NLGN1: variants seen among roughly 807,000 people sequenced by gnomAD.
NLGN1 encodes neuroligin-1.
NLGN1 carries 12 observed loss-of-function variants against 65.5 expected under a neutral mutation model. The ratio of observed to expected loss-of-function variants is 0.18; its 90% CI spans 0.12 to 0.30. The LOEUF is 0.30. Among genes scored for constraint, NLGN1 ranks in the 10% least tolerant of loss-of-function variants. The pLI, the probability that NLGN1 is intolerant of heterozygous loss-of-function variation, is 1.00. For synonymous variants in NLGN1, 350 were observed against 359.5 expected (o/e 0.97, Z 0.30); for missense variants, 750 against 1,007.1 (o/e 0.74, Z 3.46).
intron 3 of NLGN1, among the ~76,000 whole-genome samples, chr3:173,719,765 C>T (rs1298806255): frequency 6.6e-6 from 1 of 152,148 alleles, no homozygotes; most frequent in Non-Finnish European, 1.5e-5. Flanking sequence ...TTTCTTTCTA[C>T]AGTCTAGGAT....
At chr3:173,448,237 T>G (rs1224360026) in intron 2 of NLGN1, among the ~76,000 whole-genome samples, 1 of 152,190 alleles carries the variant, frequency 6.6e-6, no homozygotes, top group African/African-American at 2.4e-5. Context: ...ATACCTCCCA[T>G]CAATACCTAA....
At chr3:173,973,415 A>T (rs1254975746) in intron 4 of NLGN1, among the ~76,000 whole-genome samples, 1 of 152,122 alleles carries the variant, frequency 6.6e-6, no homozygotes, top group Non-Finnish European at 1.5e-5. Context: ...TTGATGAATG[A>T]AATGGAGGAA....
At chr3:174,138,922 T>C (rs563070097) in intron 4 of NLGN1, among the ~76,000 whole-genome samples, 1 of 152,294 alleles carries the variant, frequency 6.6e-6, no homozygotes, top group East Asian at 1.9e-4. Flanking sequence ...TTAATTAAGT[T>C]CAGGCAGTAA....
chr3:173,993,205 T>G (rs992523442), intron 4 of NLGN1, among the ~76,000 whole-genome samples: 2 of 152,202 alleles, frequency 1.3e-5, no homozygotes, highest in African/African-American at 2.4e-5. Context: ...ATATAACAGC[T>G]TCATAGAAAT....
intron 3 of NLGN1, among the ~76,000 whole-genome samples, chr3:173,646,728 A>T (rs997173342): frequency 1.3e-5 from 2 of 152,188 alleles, no homozygotes; most frequent in African/African-American, 4.8e-5. Context: ...TACAAAATGG[A>T]ATTATAAAAA....
Position 173,965,844 on chromosome 3 carries a change from G to A in NLGN1, c.646+158012G>A, listed in dbSNP as rs140798446. ...CTAAAGAGAAAAAAGGGCATGTTTT[G>A]CTATAGTACCTATACATTCTATCAA... On this transcript the variant is annotated intron_variant, in intron 4 of 6. Transcript: ENST00000457714. Among the ~76,000 whole-genome samples, 542 of 152,160 alleles carry A rather than the reference G, an allele frequency of 3.6e-3. 9 individuals carry two copies. The highest frequency in any genetic ancestry group is 0.029 in the Admixed American group (438 of 15,278).
rs145740275 is a variant in NLGN1, at chr3:173,708,675, G to T, written c.494-99005G>T. 1.3e-3 allele frequency among the ~76,000 whole-genome samples: 201 copies of T among 152,242 alleles called. 2 individuals are homozygous for T. The highest frequency in any genetic ancestry group is 4.4e-3 in the African/African-American group (184 of 41,556). ...CCCTAGAATCCTTGTCCCCTGAGGAGAAATACAGGATGGCAGAGAGCTATA... is the reference window on the plus strand; with the variant it reads ...CCCTAGAATCCTTGTCCCCTGAGGATAAATACAGGATGGCAGAGAGCTATA... On this transcript the variant is annotated intron_variant, in intron 3 of 6. Coordinates refer to ENST00000457714, the Ensembl canonical transcript of NLGN1.
At chr3:173,531,590 C>CACACACACACACAT (rs760049826) in intron 2 of NLGN1, among the ~76,000 whole-genome samples, 4 of 151,662 alleles carry the variant, frequency 2.6e-5, no homozygotes, top group South Asian at 2.1e-4. Flanking sequence ...CACACACACA[C>CACACACACACACAT]TTCTATGGAA....
Position 173,643,108 on chromosome 3 carries a change from T to C in NLGN1, c.493+38017T>C, listed in dbSNP as rs533923414. ...AGAAGTGAATTTGAAGACACAGCAA[T>C]AGAAACTATTCAGGATGAAACGGAG... is the stretch of plus-strand genomic sequence containing the variant. On this transcript the variant is annotated intron_variant, in intron 3 of 6. Coordinates refer to ENST00000457714, the Ensembl canonical transcript of NLGN1. 2.6e-5 allele frequency among the ~76,000 whole-genome samples: 4 copies of C among 152,200 alleles called. No homozygotes were observed. In the South Asian group the frequency reaches 6.2e-4, roughly 24 times the overall value.
intron 4 of NLGN1, among the ~76,000 whole-genome samples, chr3:173,894,306 C>G (rs1735945311): frequency 6.6e-6 from 1 of 152,088 alleles, no homozygotes; most frequent in Non-Finnish European, 1.5e-5. Flanking sequence ...CGTGACTTAC[C>G]AAGAGGTAAA....
intron 3 of NLGN1, among the ~76,000 whole-genome samples, chr3:173,675,779 G>A (rs1459888653): frequency 1.3e-5 from 2 of 151,628 alleles, no homozygotes; most frequent in South Asian, 2.1e-4. Context: ...TGACTCTTGC[G>A]GTGGACACAT....
At chr3:173,990,748 T>G (rs534186448) in intron 4 of NLGN1, among the ~76,000 whole-genome samples, 2 of 152,274 alleles carry the variant, frequency 1.3e-5, no homozygotes, top group Non-Finnish European at 2.9e-5. Context: ...CATGCGTAGT[T>G]ATGAATATTC....
At chr3:173,648,931 A>G (rs565121575) in intron 3 of NLGN1, among the ~76,000 whole-genome samples, 4 of 152,128 alleles carry the variant, frequency 2.6e-5, no homozygotes, top group Non-Finnish European at 4.4e-5. Context: ...AAAAGAAAGC[A>G]TGTGTCTATT....
chr3:173,459,729 G>T, intron 2 of NLGN1, among the ~76,000 whole-genome samples: 1 of 151,992 alleles, frequency 6.6e-6, no homozygotes. Context: ...ATGCTATAAT[G>T]ATAAGCCATA....
At chr3:174,174,908 C>G (rs1397212544) in intron 4 of NLGN1, among the ~76,000 whole-genome samples, 1 of 151,800 alleles carries the variant, frequency 6.6e-6, no homozygotes, top group Admixed American at 6.6e-5. Flanking sequence ...GAATTGACCC[C>G]CAATCATTCA....
chr3:173,880,905 C>G (rs1297119068), intron 4 of NLGN1, among the ~76,000 whole-genome samples: 1 of 152,102 alleles, frequency 6.6e-6, no homozygotes, highest in Non-Finnish European at 1.5e-5. Flanking sequence ...TGTACCACAG[C>G]TAAGTTTATG....
intron 2 of NLGN1, among the ~76,000 whole-genome samples, chr3:173,569,179 TA>T (rs1431706181): frequency 1.3e-5 from 2 of 152,266 alleles, no homozygotes; most frequent in Non-Finnish European, 1.5e-5. Context: ...TGTGTTTTAT[TA>T]GACATAATTT....
intron 1 of NLGN1, among the ~76,000 whole-genome samples, chr3:173,431,340 A>C (rs1717123846): frequency 6.6e-6 from 1 of 151,994 alleles, no homozygotes; most frequent in Non-Finnish European, 1.5e-5. Context: ...TTGTTTCTTT[A>C]GGAATAAGAG....
chr3:174,111,010 T>C (rs1282960516), intron 4 of NLGN1, among the ~76,000 whole-genome samples: 1 of 152,004 alleles, frequency 6.6e-6, no homozygotes, highest in Non-Finnish European at 1.5e-5. Context: ...TTATACACAC[T>C]TGGGCACCAT....
Sources: allele counts gnomAD v4.1 joint callset (sites outside exome capture counted in the v4.1 genomes callset), GRCh38; gene constraint gnomAD v4.1.1; transcripts MANE v1.5; gene names NCBI Gene and HGNC (gene_info 2026-07-23, HGNC 2026-07-21).